The following CHODL variants were observed in gnomAD, a reference collection of about 807,000 sequenced individuals.
CHODL encodes transmembrane protein MT75.
In CHODL, 29 loss-of-function variants were observed where a neutral mutation model predicts 34.5. The observed-to-expected ratio is 0.84, with a 90% CI of 0.63 to 1.15. CHODL has a LOEUF of 1.15. Ranked by LOEUF, CHODL falls within the 50% of genes most tolerant of loss-of-function variation. The pLI is 0.00. For missense variants in CHODL, 332 were observed against 332.5 expected, an observed-to-expected ratio of 1.00 and a Z score of 0.01; for synonymous variants, 125 against 116.1, an observed-to-expected ratio of 1.08 and a Z score of -0.49.
rs368837546 is a variant in CHODL, at chr21:18,035,364, G to GT, written c.-45+7400dup. 2.1e-3 allele frequency among the ~76,000 whole-genome samples: 317 copies of GT among 152,000 alleles called. 4 individuals carry two copies. Among genetic ancestry groups the GT allele is most frequent in the African/African-American group, 7.3e-3 (305 of 41,510 alleles). On this transcript the variant is annotated intron_variant, in intron 2 of 6. Transcript: ENST00000400127. ...TTACCTTTGTTTCCCTGCACATAGT[G>GT]TTTTTTTCTCTGCTTTTAAGACTTC...
chr21:17,926,100 G>C (rs1026724385), intron 1 of CHODL, among the ~76,000 whole-genome samples: 1 of 152,148 alleles, frequency 6.6e-6, no homozygotes, highest in Non-Finnish European at 1.5e-5. Flanking sequence ...CAGCAAAACC[G>C]CACTGCTCAG....
intron 2 of CHODL, among the ~76,000 whole-genome samples, chr21:18,059,544 G>A (rs2064630386): frequency 6.6e-6 from 1 of 150,660 alleles, no homozygotes; most frequent in Non-Finnish European, 1.5e-5. Flanking sequence ...TACATATGCA[G>A]GATGTGCAGG....
intron 1 of CHODL, among the ~76,000 whole-genome samples, chr21:17,984,096 A>C (rs914377670): frequency 6.6e-6 from 1 of 152,162 alleles, no homozygotes; most frequent in Non-Finnish European, 1.5e-5. Flanking sequence ...CTCCCTCTCC[A>C]CAGCTCTTCT....
chr21:18,076,940 G>C (rs1219892657), intron 2 of CHODL, among the ~76,000 whole-genome samples: 1 of 152,188 alleles, frequency 6.6e-6, no homozygotes. Context: ...TCAGAGAACT[G>C]CTACAAGAAT....
intron 1 of CHODL, among the ~76,000 whole-genome samples, chr21:17,983,800 G>T (rs1212891306): frequency 6.6e-6 from 1 of 151,972 alleles, no homozygotes; most frequent in Admixed American, 6.6e-5. Context: ...ACAATTAGAC[G>T]AGTTTGGACA....
At chr21:18,251,528 T>TTAA (rs1568957521) in intron 1 of CHODL, among the ~76,000 whole-genome samples, 2 of 3,294 alleles carry the variant, frequency 6.1e-4, no homozygotes, top group Non-Finnish European at 1.1e-3. Flanking sequence ...AATATTTATT[T>TTAA]TATTTATTAT....
intron 2 of CHODL, among the ~76,000 whole-genome samples, chr21:18,211,274 A>G (rs2073772390): frequency 6.6e-6 from 1 of 151,968 alleles, no homozygotes; most frequent in African/African-American, 2.4e-5. Flanking sequence ...CATTTACTGT[A>G]TATTCCCCCT....
intron 2 of CHODL, among the ~76,000 whole-genome samples, chr21:18,060,716 AAAAAAAAGAAAGC>A (rs2064652249): frequency 6.6e-6 from 1 of 151,332 alleles, no homozygotes; most frequent in South Asian, 2.1e-4. Flanking sequence ...GACCAAAAAA[AAAAAAAAGAAAGC>A]AAGCAGAAAA....
At chr21:17,939,763 A>AT (rs1218143264) in intron 1 of CHODL, among the ~76,000 whole-genome samples, 1 of 152,154 alleles carries the variant, frequency 6.6e-6, no homozygotes, top group Non-Finnish European at 1.5e-5. Flanking sequence ...TTCCTTCAGA[A>AT]TCTTTCCCTT....
intron 2 of CHODL, among the ~76,000 whole-genome samples, chr21:18,103,656 G>A (rs1324384574): frequency 6.6e-6 from 1 of 152,134 alleles, no homozygotes; most frequent in African/African-American, 2.4e-5. Context: ...TGGAGCCATG[G>A]TGGAGATGGC....
At chr21:18,124,667 A>AAAC (rs3077916) in intron 2 of CHODL, among the ~76,000 whole-genome samples, 12,088 of 152,258 alleles carry the variant, frequency 0.079, 521 homozygotes, top group East Asian at 0.17. Context: ...GATCATGTGA[A>AAAC]ACACATAAAT....
At chr21:18,037,396 C>A (rs1489729144) in intron 2 of CHODL, among the ~76,000 whole-genome samples, 1 of 151,800 alleles carries the variant, frequency 6.6e-6, no homozygotes, top group Non-Finnish European at 1.5e-5. Context: ...TGGGATAGAT[C>A]CTAAAATGGT....
At chr21:18,057,144 A>G (rs900353252) in intron 2 of CHODL, among the ~76,000 whole-genome samples, 1 of 152,090 alleles carries the variant, frequency 6.6e-6, no homozygotes. Context: ...CCTTGAGGGT[A>G]AGATCCTGAT....
intron 2 of CHODL, among the ~76,000 whole-genome samples, chr21:18,132,238 A>C (rs2146595935): frequency 6.6e-6 from 1 of 152,116 alleles, no homozygotes; most frequent in East Asian, 1.9e-4. Flanking sequence ...AATAGAAAAA[A>C]AATGGCATGG....
chr21:17,979,441 T>C (rs895473239), intron 1 of CHODL, among the ~76,000 whole-genome samples: 11 of 152,190 alleles, frequency 7.2e-5, no homozygotes, highest in African/African-American at 2.7e-4. Context: ...GCTGATTTTA[T>C]TTTGAATTTT....
chr21:18,120,936 G>C (rs1475751175), intron 2 of CHODL, among the ~76,000 whole-genome samples: 2 of 151,860 alleles, frequency 1.3e-5, no homozygotes, highest in African/African-American at 4.8e-5. Flanking sequence ...AGGGAAGATG[G>C]CATGACAAAT....
chr21:18,203,148 T>G (rs951778336), intron 2 of CHODL, among the ~76,000 whole-genome samples: 18 of 152,216 alleles, frequency 1.2e-4, no homozygotes, highest in African/African-American at 4.3e-4. Flanking sequence ...TTTCTGGGTT[T>G]ACAAGAACTT....
At chr21:17,952,425 G>A (rs1344455519) in intron 1 of CHODL, among the ~76,000 whole-genome samples, 2 of 152,006 alleles carry the variant, frequency 1.3e-5, no homozygotes, top group Non-Finnish European at 2.9e-5. Context: ...AATGCCAGAA[G>A]ATAATGGAAA....
intron 2 of CHODL, among the ~76,000 whole-genome samples, chr21:18,183,723 T>A (rs1228812942): frequency 6.6e-6 from 1 of 152,106 alleles, no homozygotes; most frequent in Non-Finnish European, 1.5e-5. Flanking sequence ...CAAAGAGAAA[T>A]CTTAACGAGA....
Sources: allele counts gnomAD v4.1 joint callset (sites outside exome capture counted in the v4.1 genomes callset), GRCh38; gene constraint gnomAD v4.1.1; transcripts MANE v1.5; gene names NCBI Gene and HGNC (gene_info 2026-07-23, HGNC 2026-07-21).